The following SHC3 variants were observed in gnomAD, a reference collection of about 807,000 sequenced individuals.
SHC3 encodes the protein SHC adaptor protein 3.
In SHC3, 15 loss-of-function variants were observed where a neutral mutation model predicts 60.4. That is an observed-to-expected ratio of 0.25 (90% CI 0.17 to 0.38). The LOEUF (loss-of-function observed/expected upper bound fraction) is 0.38. Ranked by LOEUF, SHC3 falls within the 10% of genes least tolerant of loss-of-function variation. SHC3 has a pLI of 1.00. For synonymous variants in SHC3, 294 were observed against 325.9 expected, an observed-to-expected ratio of 0.90 and a Z score of 1.05; for missense variants, 677 against 786.1, an observed-to-expected ratio of 0.86 and a Z score of 1.66.
chr9:89,063,611 G>C (rs1374232200), intron 6 of SHC3, among the ~76,000 whole-genome samples: 8 of 152,174 alleles, frequency 5.3e-5, no homozygotes, highest in Non-Finnish European at 1.5e-5. Context: ...TGAGCCTCTA[G>C]TCATCCTTGC....
chr9:89,095,424 G>A (rs1587724145), intron 2 of SHC3, among the ~76,000 whole-genome samples: 1 of 152,160 alleles, frequency 6.6e-6, no homozygotes. Context: ...GAGACAGAAC[G>A]CAGAGTGGGA....
At chr9:89,133,589 G>T (rs1000113545) in intron 1 of SHC3, among the ~76,000 whole-genome samples, 2 of 152,084 alleles carry the variant, frequency 1.3e-5, no homozygotes, top group East Asian at 3.9e-4. Context: ...CCATAAAAAA[G>T]GATGAGTTCA....
chr9:89,178,230 GGA>G lies in SHC3; in HGVS notation c.229_230del (p.Ser77GlnfsTer87). 1 of 1,498,630 alleles carries G rather than the reference GGA, an allele frequency of 6.7e-7. No homozygotes were observed. The highest frequency in any genetic ancestry group is 8.9e-7 in the Non-Finnish European group (1 of 1,125,928). The allele number at this position is 1,498,630 out of a possible 1,614,324, so 92.8% of individuals were successfully genotyped here. A position where few individuals can be genotyped will look rare whatever the true frequency, so the allele number is the denominator to read the frequency against. On this transcript the variant is annotated frameshift_variant, in exon 1 of 12. Transcript: ENST00000375835. LOFTEE classifies it high-confidence loss of function. This position sits in a 1 kb window ranked among gnomAD's most constrained non-coding sequence, Gnocchi z 6.9. ...ACGACAGGCCGCGGAGGCCCGAGCT[GGA>G]GAGTTTCAGGTGGGACACCTTGTGG... ...LLHKVSHLKL[S>X]SSGLRGLSSA...
At position 89,166,245 on chromosome 9, in the gene SHC3, C is replaced by T. The variant is rs531786656; in HGVS notation, c.474+11742G>A. On this transcript the variant is annotated intron_variant, in intron 1 of 11. Transcript: ENST00000375835. ...GATTTCCATGTCACCACAACTAGTGCAGCCCCTGGTATTTTCTCTCCTCCG... is the reference window on the plus strand; with the variant it reads ...GATTTCCATGTCACCACAACTAGTGTAGCCCCTGGTATTTTCTCTCCTCCG... 1.2e-4 allele frequency among the ~76,000 whole-genome samples: 18 copies of T among 152,280 alleles called. No homozygotes were observed. In the South Asian group the frequency reaches 3.7e-3, roughly 32 times the overall value.
At chr9:89,057,275 A>G (rs1824967816) in intron 6 of SHC3, among the ~76,000 whole-genome samples, 1 of 151,942 alleles carries the variant, frequency 6.6e-6, no homozygotes, top group African/African-American at 2.4e-5. Flanking sequence ...TGTTTATTCA[A>G]TGTAGCCATG....
At chr9:89,052,716 G>A (rs143315838) in intron 6 of SHC3, among the ~76,000 whole-genome samples, 13 of 152,294 alleles carry the variant, frequency 8.5e-5, no homozygotes, top group African/African-American at 2.9e-4. Context: ...CTTTGAAGAT[G>A]AATATAAAGA....
At chr9:89,177,320 A>G (rs1826955031) in intron 1 of SHC3, among the ~76,000 whole-genome samples, 1 of 152,202 alleles carries the variant, frequency 6.6e-6, no homozygotes, top group Non-Finnish European at 1.5e-5. Context: ...GTTCCCTTTT[A>G]GCACATTTAA....
At chr9:89,116,871 G>T (rs139114996) in intron 1 of SHC3, among the ~76,000 whole-genome samples, 38 of 151,972 alleles carry the variant, frequency 2.5e-4, no homozygotes, top group African/African-American at 8.9e-4. Context: ...ACATCCACCA[G>T]CACAGAATCA....
intron 1 of SHC3, among the ~76,000 whole-genome samples, chr9:89,126,676 C>T (rs1397533271): frequency 6.6e-6 from 1 of 152,150 alleles, no homozygotes; most frequent in Non-Finnish European, 1.5e-5. Flanking sequence ...GAATATTTTT[C>T]TCCCTTCCCT....
rs1825962579 is a variant in SHC3, at chr9:89,007,832, TC to T, written c.*5614del. 1 of 152,272 alleles carries T rather than the reference TC, an allele frequency of 6.6e-6. No homozygotes were observed. The highest frequency in any genetic ancestry group is 6.5e-5 in the Admixed American group (1 of 15,286). The allele number at this position is 152,272 out of a possible 1,614,324, so 9.4% of individuals were successfully genotyped here. A position where few individuals can be genotyped will look rare whatever the true frequency, so the allele number is the denominator to read the frequency against. On this transcript the variant is annotated 3_prime_UTR_variant, in exon 12 of 12. Coordinates refer to ENST00000375835, the MANE Select transcript of SHC3 (RefSeq NM_016848.6). ...TCCCCCAATCCCTGTGGTCCTCATG[TC>T]CTGTTCTTGTTCTCTTTGTGCTGGA...
At chr9:89,097,323 A>T (rs1005843554) in intron 2 of SHC3, among the ~76,000 whole-genome samples, 2 of 152,196 alleles carry the variant, frequency 1.3e-5, no homozygotes, top group East Asian at 3.9e-4. Context: ...TAAGTTCCTA[A>T]TCTTTATATA....
chr9:89,107,665 C>A (rs1300060386), intron 2 of SHC3, among the ~76,000 whole-genome samples: 1 of 152,184 alleles, frequency 6.6e-6, no homozygotes, highest in Non-Finnish European at 1.5e-5. Flanking sequence ...TTAGTAAGAG[C>A]CTGTAAGGCT....
In SHC3 at chr9:89,178,346, C is replaced by T. The variant is rs746708767; in HGVS notation, c.115G>A (p.Ala39Thr). 12 of 1,594,528 alleles carry T rather than the reference C, an allele frequency of 7.5e-6. No homozygotes were observed. In the South Asian group the frequency reaches 1.2e-4, roughly 16 times the overall value. ...GGGGKVSAAR[A>T]TPAAAPYLVS... ...AAGTAGGGAGCCGCCGCCGGGGTCG[C>T]GCGCGCCGCCGAAACCTTGCCTCCG... The change falls in exon 1 of 12, where the codon GCG becomes ACG. Residue 39 changes from alanine (A) to threonine (T), a missense_variant. Physicochemically the swap from Ala to Thr is moderately conservative, Grantham distance 58. Coordinates refer to ENST00000375835, the MANE Select transcript of SHC3 (RefSeq NM_016848.6). This position sits in a 1 kb window ranked among gnomAD's most constrained non-coding sequence, Gnocchi z 6.9.
chr9:89,075,730 T>C (rs1208389549), intron 3 of SHC3, among the ~76,000 whole-genome samples: 2 of 152,174 alleles, frequency 1.3e-5, no homozygotes, highest in Non-Finnish European at 2.9e-5. Context: ...CACAAATTTT[T>C]TGGAGCAAAC....
At chr9:89,065,375 TC>T (rs1258341700) in intron 6 of SHC3, among the ~76,000 whole-genome samples, 153 bp downstream of exon 6, 1 of 152,138 alleles carries the variant, frequency 6.6e-6, no homozygotes, top group Non-Finnish European at 1.5e-5. Context: ...AGCCAAGCGA[TC>T]TACAACCCTT....
At chr9:89,177,959 C>T in intron 1 of SHC3, 28 bp downstream of exon 1, 1 of 1,208,486 alleles carries the variant, frequency 8.3e-7, no homozygotes, top group East Asian at 3.3e-5. Context: ...AACCCCCAGC[C>T]CCCAGGGCGG....
chr9:89,046,756 C>A, intron 8 of SHC3, 88 bp downstream of exon 8: 1 of 1,343,268 alleles, frequency 7.4e-7, no homozygotes, highest in Non-Finnish European at 9.8e-7. Flanking sequence ...AACAGAACAT[C>A]AGCCTGAAAT....
intron 1 of SHC3, among the ~76,000 whole-genome samples, chr9:89,138,772 A>G (rs1826353563): frequency 6.6e-6 from 1 of 152,160 alleles, no homozygotes; most frequent in African/African-American, 2.4e-5. Context: ...ATAAAGATCC[A>G]TCTTCTGTAA....
chr9:89,076,194 C>T lies in SHC3; in HGVS notation c.610-966G>A, dbSNP rs1452710585. ...GATTCCCCTTCTTCGTTCTCAGTTG[C>T]CGTCCTAGTTCCTATAGTGGAGACT... is the stretch of plus-strand genomic sequence containing the variant. On this transcript the variant is annotated intron_variant, in intron 3 of 11. Coordinates refer to ENST00000375835, the MANE Select transcript of SHC3 (RefSeq NM_016848.6). 2.0e-5 allele frequency among the ~76,000 whole-genome samples: 3 copies of T among 152,082 alleles called. No individual in the cohort carries two copies. The East Asian group carries it at 5.8e-4, about 29-fold the overall frequency.
Sources: gnomAD v4.1 joint callset for allele counts (sites outside exome capture counted in the v4.1 genomes callset) on GRCh38, gnomAD v4.1.1 for gene constraint, Gnocchi (gnomAD v3.1) non-coding constraint, MANE v1.5 for transcripts, NCBI Gene and HGNC (gene_info 2026-07-23, HGNC 2026-07-21) for gene names.